PARP9: variants seen among roughly 807,000 people sequenced by gnomAD.
PARP9 encodes the protein protein mono-ADP-ribosyltransferase PARP9.
A neutral mutation model predicts 68.8 loss-of-function variants in PARP9; 48 were observed. That is an observed-to-expected ratio of 0.70 (90% CI 0.55 to 0.89). The LOEUF (loss-of-function observed/expected upper bound fraction) is 0.89. PARP9 is among the 40% of genes least tolerant of loss of function. PARP9 has a pLI of 0.00. For synonymous variants in PARP9, 309 were observed against 333.8 expected (o/e 0.93, Z 0.81); for missense variants, 806 against 969.3 (o/e 0.83, Z 2.24).
intron 5 of PARP9, among the ~76,000 whole-genome samples, chr3:122,551,121 G>A (rs1045353009): frequency 1.3e-5 from 2 of 152,114 alleles, no homozygotes; most frequent in Non-Finnish European, 2.9e-5. Flanking sequence ...CCATTCACCT[G>A]CCCCTTCCAG....
At chr3:122,556,293 T>C (rs2079658826) in intron 3 of PARP9, among the ~76,000 whole-genome samples, 172 bp from the exon 4 acceptor site, 1 of 152,014 alleles carries the variant, frequency 6.6e-6, no homozygotes, top group African/African-American at 2.4e-5. Context: ...ACACATATAA[T>C]TAGACCACGG....
intron 6 of PARP9, among the ~76,000 whole-genome samples, chr3:122,547,057 T>A (rs1041854425): frequency 6.5e-5 from 9 of 138,434 alleles, no homozygotes; most frequent in Admixed American, 1.5e-4. Context: ...CACATATATA[T>A]ACACATACAT....
intron 4 of PARP9, among the ~76,000 whole-genome samples, chr3:122,554,536 T>C (rs561896314): frequency 6.6e-6 from 1 of 152,322 alleles, no homozygotes; most frequent in East Asian, 1.9e-4. Context: ...TAAATACTTA[T>C]TATGTGCCAA....
At position 122,558,470 on chromosome 3, in the gene PARP9, G is replaced by T; in HGVS notation, c.16-3C>A. On this transcript the variant is annotated splice_polypyrimidine_tract_variant and splice_region_variant and intron_variant, in intron 2 of 10. Coordinates refer to ENST00000682323, the MANE Select transcript of PARP9 (RefSeq NM_001146105.2). ...TTGTAAGCTGCTGCTCCGGCCACCTGTGAAAAATGAGAATGGCTTTCTTAA... is the reference window on the plus strand; with the variant it reads ...TTGTAAGCTGCTGCTCCGGCCACCTTTGAAAAATGAGAATGGCTTTCTTAA... 6.2e-7 allele frequency: 1 copy of T among 1,613,566 alleles called. No homozygotes were observed.
chr3:122,559,576 TCATG>T, intron 2 of PARP9, 26 bp downstream of exon 2: 2 of 1,577,146 alleles, frequency 1.3e-6, no homozygotes, highest in South Asian at 2.5e-5. Context: ...TGATCAAGGT[TCATG>T]ACGTATACAC....
intron 4 of PARP9, among the ~76,000 whole-genome samples, chr3:122,553,106 A>G (rs773902527): frequency 1.2e-4 from 18 of 152,242 alleles, no homozygotes; most frequent in Non-Finnish European, 2.1e-4. Flanking sequence ...TTAAGGTATA[A>G]GAAACTTAAC....
intron 1 of PARP9, among the ~76,000 whole-genome samples, chr3:122,560,603 G>T (rs1344212106): frequency 6.6e-6 from 1 of 152,032 alleles, no homozygotes; most frequent in Non-Finnish European, 1.5e-5. Context: ...AGCCAGCACG[G>T]TCTCAATCTC....
At chr3:122,530,504 C>T (rs940274810) in intron 10 of PARP9, among the ~76,000 whole-genome samples, 2 of 152,074 alleles carry the variant, frequency 1.3e-5, no homozygotes, top group African/African-American at 4.8e-5. Context: ...TGACACATTG[C>T]CTGTGATCTG....
Position 122,528,067 on chromosome 3 carries a change from T to A in PARP9, c.*297A>T, listed in dbSNP as rs1269950404. On this transcript the variant is annotated 3_prime_UTR_variant, in exon 11 of 11. Coordinates refer to ENST00000682323, the MANE Select transcript of PARP9 (RefSeq NM_001146105.2). ...AGGCCTGCGTTATATACTAGAAAAA[T>A]TTCTTCATTATATGCAAAATATTTA... The A allele has an allele frequency of 4.2e-5, 9 of 214,850 alleles. No individual in the cohort carries two copies. Among genetic ancestry groups the A allele is most frequent in the Non-Finnish European group, 6.4e-5 (7 of 109,124 alleles). The allele number at this position is 214,850 out of a possible 1,614,324, so 13.3% of individuals were successfully genotyped here. A position where few individuals can be genotyped will look rare whatever the true frequency, so the allele number is the denominator to read the frequency against.
At chr3:122,562,144 T>G (rs2080258995) in intron 1 of PARP9, among the ~76,000 whole-genome samples, 1 of 150,570 alleles carries the variant, frequency 6.6e-6, no homozygotes, top group African/African-American at 2.4e-5. Context: ...TTGCCTGAGC[T>G]GTGGCAATAT....
Position 122,555,316 on chromosome 3 carries a change from C to G in PARP9, c.855G>C (p.Gln285His). Residue 285 changes from glutamine (Q) to histidine (H), a missense_variant, in exon 4 of 11, where the codon CAG becomes CAC. By Grantham distance (24) the Gln-to-His change is conservative. This residue lies in a region of PARP9 where 680 missense variants were observed against 858.8 expected (regional missense o/e 0.79). Transcript: ENST00000682323. ...GCCATTCAATGTGGCCCTGGACAAT[C>G]TGGAGGGTCAGGTTGTTCACGACCA... ...NAMVVNNLTL[Q>H]IVQGHIEWQT... 6.2e-7 allele frequency: 1 copy of G among 1,613,464 alleles called. No individual in the cohort carries two copies. The highest frequency in any genetic ancestry group is 8.5e-7 in the Non-Finnish European group (1 of 1,179,570).
intron 5 of PARP9, among the ~76,000 whole-genome samples, 199 bp downstream of exon 5, chr3:122,552,219 C>A (rs2107687942): frequency 6.6e-6 from 1 of 152,218 alleles, no homozygotes; most frequent in South Asian, 2.1e-4. Context: ...TGCGACAGAC[C>A]TAAATCAAAC....
chr3:122,546,015 T>G (rs889843210), intron 6 of PARP9: 1 of 152,874 alleles, frequency 6.5e-6, no homozygotes. Flanking sequence ...TGTTATTATA[T>G]GAAAGTCTAT....
intron 5 of PARP9, among the ~76,000 whole-genome samples, chr3:122,551,072 C>T (rs2079161781): frequency 6.6e-6 from 1 of 152,158 alleles, no homozygotes; most frequent in East Asian, 1.9e-4. Context: ...TATAGCCTTA[C>T]CCATCCCCCC....
intron 4 of PARP9, 40 bp downstream of exon 4, chr3:122,555,246 T>TC: frequency 6.6e-7 from 1 of 1,525,140 alleles, no homozygotes; most frequent in Non-Finnish European, 8.9e-7. Flanking sequence ...TTTTCAGGGA[T>TC]CACCTGTGCC....
At chr3:122,560,000 A>C (rs2080050474) in intron 1 of PARP9, among the ~76,000 whole-genome samples, 1 of 152,338 alleles carries the variant, frequency 6.6e-6, no homozygotes, top group South Asian at 2.1e-4. Context: ...GTCATGAAGG[A>C]TGCAGGAGGT....
chr3:122,557,098 TA>T (rs1265276885), intron 3 of PARP9, among the ~76,000 whole-genome samples: 4 of 152,000 alleles, frequency 2.6e-5, no homozygotes, highest in African/African-American at 7.2e-5. Flanking sequence ...CCGATTGAAA[TA>T]AGGTAGTATA....
intron 1 of PARP9, among the ~76,000 whole-genome samples, chr3:122,563,598 A>T (rs1370433865): frequency 6.6e-6 from 1 of 152,084 alleles, no homozygotes; most frequent in Non-Finnish European, 1.5e-5. Context: ...CCATCTAGGT[A>T]GGCTCTCCCT....
At chr3:122,542,948 C>A (rs978206164) in intron 7 of PARP9, among the ~76,000 whole-genome samples, 3 of 152,120 alleles carry the variant, frequency 2.0e-5, no homozygotes, top group Admixed American at 6.5e-5. Context: ...CCTCCGTTGC[C>A]CAAGCTGGAG....
Sources: allele counts gnomAD v4.1 joint callset (sites outside exome capture counted in the v4.1 genomes callset), GRCh38; gene constraint gnomAD v4.1.1; regional missense constraint gnomAD v4.1.1; transcripts MANE v1.5; gene names NCBI Gene and HGNC (gene_info 2026-07-23, HGNC 2026-07-21).